GLB1L2: variants seen among roughly 807,000 people sequenced by gnomAD.
GLB1L2 encodes beta-galactosidase-1-like protein 2.
Under a neutral mutation model 84.1 loss-of-function variants are expected in GLB1L2, and 68 were observed. The ratio of observed to expected loss-of-function variants is 0.81; its 90% CI spans 0.67 to 0.99. The LOEUF (loss-of-function observed/expected upper bound fraction) is 0.99, where lower values mean the gene tolerates loss of function less well. Ranked by LOEUF, GLB1L2 falls within the 50% of genes least tolerant of loss-of-function variation. The pLI is 0.00. For synonymous variants in GLB1L2, 290 were observed against 318.0 expected (o/e 0.91, Z 0.94); for missense variants, 762 against 805.6 (o/e 0.95, Z 0.66).
At chr11:134,335,878 G>A (rs1381002173) in intron 1 of GLB1L2, among the ~76,000 whole-genome samples, 2 of 152,166 alleles carry the variant, frequency 1.3e-5, no homozygotes, top group Non-Finnish European at 2.9e-5. Flanking sequence ...AGGACTCTGG[G>A]GTCTAGGCAC....
rs967827883 is a variant in GLB1L2 at position 134,338,805 on chromosome 11, C to T, written c.87-3949C>T. Among the ~76,000 whole-genome samples, 8 of 152,138 alleles carry T rather than the reference C, an allele frequency of 5.3e-5. No homozygotes were observed. Among genetic ancestry groups the T allele is most frequent in the African/African-American group, 1.2e-4 (5 of 41,426 alleles). The stretch of plus-strand genomic sequence containing the variant: ...GCTGTAGAGGTCTTGTTAGGTTGTG[C>T]GCGGCCCCATCAGAAGTCCTGATGT... On this transcript the variant is annotated intron_variant, in intron 1 of 18. Coordinates refer to ENST00000535456, the MANE Select transcript of GLB1L2 (RefSeq NM_001370461.1). This position sits in a 1 kb window ranked among gnomAD's most constrained non-coding sequence, Gnocchi z 6.2.
chr11:134,345,240 C>T lies in GLB1L2; in HGVS notation c.449+111C>T. ...TTCTGTACTGAATTGTGTTCCAGTTCCCATTCTGTACTGAATTTCCTTTTC... is the reference window on the plus strand; with the variant it reads ...TTCTGTACTGAATTGTGTTCCAGTTTCCATTCTGTACTGAATTTCCTTTTC... On this transcript the variant is annotated intron_variant, in intron 4 of 18. Transcript: ENST00000535456. 2.5e-6 allele frequency: 3 copies of T among 1,213,986 alleles called. No individual in the cohort carries two copies. The South Asian group carries it at 5.3e-5, about 21-fold the overall frequency. 75.2% of individuals were successfully genotyped at this position (1,213,986 alleles called of 1,614,324 possible).
In GLB1L2 at chr11:134,334,104, C is replaced by T. The variant is rs773495356; in HGVS notation, c.86+1957C>T. On this transcript the variant is annotated intron_variant, in intron 1 of 18. Transcript: ENST00000535456. This position sits in a 1 kb window ranked among gnomAD's most constrained non-coding sequence, Gnocchi z 4.1. The stretch of plus-strand genomic sequence containing the variant: ...AACATCCTCTTTGTCTTTCCCTCTT[C>T]CTGTCTTGCCCCAGCTCTGACTGGG... Among the ~76,000 whole-genome samples the T allele has an allele frequency of 5.3e-5, 8 of 152,158 alleles. No individual in the cohort carries two copies. The highest frequency in any genetic ancestry group is 7.3e-5 in the Non-Finnish European group (5 of 68,038).
At chr11:134,371,607 G>T (rs1943953073) in intron 14 of GLB1L2, 115 bp downstream of exon 14, 1 of 1,019,018 alleles carries the variant, frequency 9.8e-7, no homozygotes, top group Non-Finnish European at 1.5e-6. Context: ...CAAGCTGTAG[G>T]TGGAGAGGGC....
At chr11:134,369,994 G>A (rs80082975) in intron 11 of GLB1L2, 109 bp downstream of exon 11, 91,531 of 892,716 alleles carry the variant, frequency 0.1, 5,258 homozygotes, top group South Asian at 0.15. Context: ...GTTGATCTGC[G>A]TGCAAGAATA....
Position 134,370,076 on chromosome 11 carries a change from G to A in GLB1L2, c.1108+191G>A, listed in dbSNP as rs1380540559. ...GGCTTCACCTGTTACAGGTGTTAACGCTCCTTATCTCCTGTGGAGGACGGG... is the reference window on the plus strand; with the variant it reads ...GGCTTCACCTGTTACAGGTGTTAACACTCCTTATCTCCTGTGGAGGACGGG... On this transcript the variant is annotated intron_variant, in intron 11 of 18. Transcript: ENST00000535456. The surrounding 1 kb of genome is among the most constrained non-coding windows in gnomAD (Gnocchi z 4.7). Among the ~76,000 whole-genome samples, 5 of 152,124 alleles carry A rather than the reference G, an allele frequency of 3.3e-5. No homozygotes were observed. Among genetic ancestry groups the A allele is most frequent in the African/African-American group, 1.2e-4 (5 of 41,410 alleles).
intron 1 of GLB1L2, among the ~76,000 whole-genome samples, chr11:134,336,755 TAA>T (rs76391993): frequency 6.6e-6 from 1 of 151,560 alleles, no homozygotes; most frequent in African/African-American, 2.4e-5. Context: ...TGTGGTGGAT[TAA>T]AAAAAAATTT....
intron 10 of GLB1L2, among the ~76,000 whole-genome samples, chr11:134,369,018 G>A (rs968336251): frequency 6.6e-6 from 1 of 152,190 alleles, no homozygotes; most frequent in Non-Finnish European, 1.5e-5. Context: ...GCAAAGGTTG[G>A]CCTGAGGAAG....
intron 6 of GLB1L2, among the ~76,000 whole-genome samples, chr11:134,357,328 C>CA: frequency 6.6e-6 from 1 of 152,344 alleles, no homozygotes; most frequent in Non-Finnish European, 1.5e-5. Context: ...TGGGTTCATG[C>CA]GTACTCTTCC....
Position 134,374,227 on chromosome 11 carries a change from AC to A in GLB1L2, c.1682del (p.Pro561LeufsTer6). Reference sequence around the variant, plus strand: ...CTTGGGTAGCTTGTCCATCAGCTCCACCCCTTGTGACACCTTTCTGAAGCTG... The same window carrying A: ...CTTGGGTAGCTTGTCCATCAGCTCCACCCTTGTGACACCTTTCTGAAGCTG... ...FFLGSLSISS[T>X]PCDTFLKLEG... On this transcript the variant is annotated frameshift_variant, in exon 17 of 19. Coordinates refer to ENST00000535456, the MANE Select transcript of GLB1L2 (RefSeq NM_001370461.1). LOFTEE classifies it high-confidence loss of function. 6.2e-7 allele frequency: 1 copy of A among 1,613,076 alleles called. No homozygotes were observed. The highest frequency in any genetic ancestry group is 8.5e-7 in the Non-Finnish European group (1 of 1,179,114).
At chr11:134,341,289 C>T (rs1943457659) in intron 1 of GLB1L2, among the ~76,000 whole-genome samples, 1 of 152,176 alleles carries the variant, frequency 6.6e-6, no homozygotes. Flanking sequence ...CCGGGACCCT[C>T]ACAGCAGCCT....
At chr11:134,357,727 G>A (rs866643965) in intron 6 of GLB1L2, among the ~76,000 whole-genome samples, 7 of 152,244 alleles carry the variant, frequency 4.6e-5, no homozygotes, top group Non-Finnish European at 7.3e-5. Flanking sequence ...AAGCAGCAGC[G>A]TCCAGCCTCT....
rs566853850 is a variant in GLB1L2 at position 134,367,165 on chromosome 11, G to A, written c.805-92G>A. 4.0e-4 allele frequency: 425 copies of A among 1,066,156 alleles called. 7 individuals are homozygous for A. The South Asian group carries it at 5.5e-3, about 14-fold the overall frequency. 66.0% of individuals were successfully genotyped at this position (1,066,156 alleles called of 1,614,324 possible). On this transcript the variant is annotated intron_variant, in intron 8 of 18. Transcript: ENST00000535456. Reference sequence around the variant, plus strand: ...GTATGCAGACAGGGAAGAGTAGAGAGGGCAGAGATCCTGGGGCTCCCCTCC... The same window carrying A: ...GTATGCAGACAGGGAAGAGTAGAGAAGGCAGAGATCCTGGGGCTCCCCTCC...
chr11:134,332,961 G>A (rs1298247100), intron 1 of GLB1L2, among the ~76,000 whole-genome samples: 1 of 152,190 alleles, frequency 6.6e-6, no homozygotes, highest in Non-Finnish European at 1.5e-5. Context: ...GAAGCCGACC[G>A]GCAGTATCGA....
intron 4 of GLB1L2, chr11:134,346,336 G>C (rs924041793): frequency 6.6e-6 from 1 of 152,568 alleles, no homozygotes; most frequent in Non-Finnish European, 1.5e-5. Context: ...CGATTTCCTC[G>C]GCTCAGCCGG....
intron 10 of GLB1L2, among the ~76,000 whole-genome samples, chr11:134,369,539 GCCA>G (rs1200791897): frequency 2.0e-5 from 3 of 152,026 alleles, no homozygotes; most frequent in South Asian, 2.1e-4. Flanking sequence ...ACAGGTGTGA[GCCA>G]CTGCACAAGC....
Position 134,374,972 on chromosome 11 carries a change from G to T in GLB1L2, c.1825G>T (p.Val609Phe), listed in dbSNP as rs369430833. ...GPWLSSGINQ[V>F]IVFEETMAGP... ...TCCCAGCCGGGCCCTCTCTCCACAG[G>T]TCATCGTTTTTGAGGAGACGATGGC... The change falls in exon 19 of 19, where the codon GTC (valine) becomes TTC (phenylalanine). Residue 609 changes from valine to phenylalanine, a missense_variant and splice_region_variant. Coordinates refer to ENST00000535456, the MANE Select transcript of GLB1L2 (RefSeq NM_001370461.1). 4.3e-5 allele frequency: 70 copies of T among 1,612,790 alleles called. No homozygotes were observed. The highest frequency in any genetic ancestry group is 5.8e-5 in the Non-Finnish European group (68 of 1,179,566).
chr11:134,343,401 C>T (rs1168036339), intron 2 of GLB1L2, among the ~76,000 whole-genome samples: 3 of 152,136 alleles, frequency 2.0e-5, no homozygotes, highest in Non-Finnish European at 4.4e-5. Context: ...ATGATTGGCA[C>T]ATGGTAGGCA....
At chr11:134,357,321 G>T (rs1303555465) in intron 6 of GLB1L2, among the ~76,000 whole-genome samples, 1 of 152,220 alleles carries the variant, frequency 6.6e-6, no homozygotes, top group Admixed American at 6.5e-5. Flanking sequence ...CAACTTGTGG[G>T]TTCATGCGTA....
Sources: gnomAD v4.1 joint callset for allele counts (sites outside exome capture counted in the v4.1 genomes callset) on GRCh38, gnomAD v4.1.1 for gene constraint, Gnocchi (gnomAD v3.1) non-coding constraint, MANE v1.5 for transcripts, NCBI Gene and HGNC (gene_info 2026-07-23, HGNC 2026-07-21) for gene names.